Variants in RASEF observed in about 807,000 individuals in gnomAD.
RASEF encodes the protein ras and EF-hand domain-containing protein.
Under a neutral mutation model 90.1 loss-of-function variants are expected in RASEF, and 68 were observed. That is an observed-to-expected ratio of 0.75 (90% confidence interval 0.62 to 0.92). The LOEUF (loss-of-function observed/expected upper bound fraction) is 0.92, where lower values mean the gene tolerates loss of function less well. RASEF is among the 40% of genes least tolerant of loss of function. The pLI is 0.00. For synonymous variants in RASEF, 331 were observed against 345.2 expected, an observed-to-expected ratio of 0.96 and a Z score of 0.46; for missense variants, 949 against 937.2, an observed-to-expected ratio of 1.01 and a Z score of -0.16.
chr9:83,028,555 G>A (rs1264992834), intron 1 of RASEF, among the ~76,000 whole-genome samples: 4 of 152,182 alleles, frequency 2.6e-5, no homozygotes, highest in African/African-American at 9.6e-5. Context: ...GATGCTATGA[G>A]GGCGCAAGAA....
At chr9:83,214,836 C>A in the RASEF span, among the ~76,000 whole-genome samples, 1 of 151,946 alleles carries the variant, frequency 6.6e-6, no homozygotes. Context: ...CAGGGAAACA[C>A]TGGGTAGAAA....
chr9:83,096,034 G>A, the RASEF span, among the ~76,000 whole-genome samples: 1 of 152,098 alleles, frequency 6.6e-6, no homozygotes, highest in Non-Finnish European at 1.5e-5. Context: ...TAAGTAAAAA[G>A]GACTTAATAG....
At chr9:83,032,235 T>C (rs1292293099) in intron 1 of RASEF, among the ~76,000 whole-genome samples, 1 of 152,060 alleles carries the variant, frequency 6.6e-6, no homozygotes, top group Non-Finnish European at 1.5e-5. Context: ...AACGATACAA[T>C]GGCCACACAC....
the RASEF span, among the ~76,000 whole-genome samples, chr9:83,087,271 T>C: frequency 6.6e-6 from 1 of 152,166 alleles, no homozygotes; most frequent in Non-Finnish European, 1.5e-5. Flanking sequence ...CCCAGTGTGA[T>C]GGTATTTGGA....
chr9:83,104,022 A>G, the RASEF span, among the ~76,000 whole-genome samples: 1 of 152,206 alleles, frequency 6.6e-6, no homozygotes, highest in East Asian at 1.9e-4. Flanking sequence ...AGTGAGGTTA[A>G]AACATCTTTC....
chr9:83,047,558 G>A lies in RASEF; in HGVS notation c.431+14879C>T, dbSNP rs1329948146. Among the ~76,000 whole-genome samples, 7 of 152,098 alleles carry A rather than the reference G, an allele frequency of 4.6e-5. No homozygotes were observed. In the East Asian group the frequency reaches 5.8e-4, roughly 13 times the overall value. On this transcript the variant is annotated intron_variant, in intron 1 of 16. Transcript: ENST00000376447. The stretch of plus-strand genomic sequence containing the variant: ...TCAGATGAAGAGAAAGAAAAATATC[G>A]GAGTGATAGGTATCCTGGACATCCC...
chr9:82,990,456 T>C lies in RASEF; in HGVS notation c.2052A>G (p.Ala684=), dbSNP rs1300148946. The change falls in exon 16 of 17, where the codon GCA becomes GCG. Residue 684 remains alanine, a synonymous_variant. Transcript: ENST00000376447. The stretch of plus-strand genomic sequence containing the variant: ...CTTTGGCACTTGTTTCACAGAATAA[T>C]GCCCCATACGTCTGTAAAAAAGAAA... ...FGEKLAMTYG[A]LFCETSAKDG... is the part of the protein sequence containing the mutation. 6.2e-7 allele frequency: 1 copy of C among 1,612,350 alleles called. No homozygotes were observed. The highest frequency in any genetic ancestry group is 1.7e-5 in the Admixed American group (1 of 60,008).
intron 1 of RASEF, chr9:83,055,575 G>A (rs936307643): frequency 1.4e-5 from 10 of 711,124 alleles, no homozygotes; most frequent in Non-Finnish European, 2.6e-5. Context: ...CTCCCTCCTC[G>A]ATTGTCCAAA....
At chr9:83,004,816 T>C (rs1435109079) in intron 8 of RASEF, among the ~76,000 whole-genome samples, 1 of 152,128 alleles carries the variant, frequency 6.6e-6, no homozygotes, top group Non-Finnish European at 1.5e-5. Flanking sequence ...CTATCTTACG[T>C]CCAAACCCTA....
the RASEF span, among the ~76,000 whole-genome samples, chr9:83,126,650 T>C: frequency 6.6e-6 from 1 of 152,222 alleles, no homozygotes; most frequent in Non-Finnish European, 1.5e-5. Context: ...CCACTTTCCC[T>C]GGGAGGACTC....
the RASEF span, among the ~76,000 whole-genome samples, chr9:83,103,015 C>T: frequency 5.3e-5 from 8 of 152,318 alleles, no homozygotes; most frequent in Non-Finnish European, 7.4e-5. Flanking sequence ...TACATCTACA[C>T]GGGCCACTTC....
At chr9:83,058,269 G>A (rs1021367012) in intron 1 of RASEF, among the ~76,000 whole-genome samples, 2 of 122,138 alleles carry the variant, frequency 1.6e-5, no homozygotes, top group African/African-American at 6.6e-5. Flanking sequence ...TGCAAGCTCC[G>A]CCTCCCGGGT....
the RASEF span, among the ~76,000 whole-genome samples, chr9:83,209,931 T>G: frequency 3.9e-5 from 6 of 152,206 alleles, no homozygotes; most frequent in African/African-American, 1.4e-4. Flanking sequence ...AATGCATGTT[T>G]AGGTGTTGCT....
Position 82,990,416 on chromosome 9 carries a change from C to T in RASEF, c.2092G>A (p.Val698Met). The T allele has an allele frequency of 6.2e-7, 1 of 1,613,872 alleles. No homozygotes were observed. The highest frequency in any genetic ancestry group is 8.5e-7 in the Non-Finnish European group (1 of 1,179,810). Reference sequence around the variant, plus strand: ...CGAGCAAGGTGCAGAACAGCCTCCACTATGTTAGAACCATCTTTGGCACTT... The same window carrying T: ...CGAGCAAGGTGCAGAACAGCCTCCATTATGTTAGAACCATCTTTGGCACTT... ...ETSAKDGSNI[V>M]EAVLHLAREV... is the part of the protein sequence containing the mutation. The change falls in exon 16 of 17, where the codon GTG becomes ATG. Residue 698 changes from valine to methionine, a missense_variant. This residue lies in a region of RASEF where 288 missense variants were observed against 328.4 expected (regional missense o/e 0.88). Coordinates refer to ENST00000376447, the MANE Select transcript of RASEF (RefSeq NM_152573.4).
rs553161459 is a variant in RASEF at position 83,015,966 on chromosome 9, A to G, written c.670-66T>C. On this transcript the variant is annotated intron_variant, in intron 3 of 16. Coordinates refer to ENST00000376447, the MANE Select transcript of RASEF (RefSeq NM_152573.4). ...ACCCTCTTAACCTTCAAAACCCCAC[A>G]GGTGAGAAACATTTTGTGTCAAATT... is the stretch of plus-strand genomic sequence containing the variant. 15 of 1,161,536 alleles carry G rather than the reference A, an allele frequency of 1.3e-5. No homozygotes were observed. In the African/African-American group the frequency reaches 2.1e-4, roughly 16 times the overall value. The allele number at this position is 1,161,536 out of a possible 1,614,324, so 72.0% of individuals were successfully genotyped here.
At chr9:83,191,649 G>A in the RASEF span, among the ~76,000 whole-genome samples, 8 of 152,148 alleles carry the variant, frequency 5.3e-5, no homozygotes, top group Non-Finnish European at 8.8e-5. Flanking sequence ...GGAGAAAATG[G>A]AAGCTCATGA....
upstream of RASEF, among the ~76,000 whole-genome samples, chr9:83,065,837 T>G (rs2117944068): frequency 6.6e-6 from 1 of 152,312 alleles, no homozygotes; most frequent in Non-Finnish European, 1.5e-5. Flanking sequence ...TCTGATGACA[T>G]TTTTGGCTGT....
At chr9:83,134,408 G>GCACACACACA in the RASEF span, among the ~76,000 whole-genome samples, 615 of 135,972 alleles carry the variant, frequency 4.5e-3, 8 homozygotes, top group African/African-American at 0.012. Flanking sequence ...GATCACAATA[G>GCACACACACA]CGCACACACA....
the RASEF span, among the ~76,000 whole-genome samples, chr9:83,123,467 C>T: frequency 6.6e-6 from 1 of 152,132 alleles, no homozygotes; most frequent in Non-Finnish European, 1.5e-5. Context: ...TTGAATTGCC[C>T]ATGCCTCATA....
Sources: allele counts gnomAD v4.1 joint callset (sites outside exome capture counted in the v4.1 genomes callset), GRCh38; gene constraint gnomAD v4.1.1; regional missense constraint gnomAD v4.1.1; transcripts MANE v1.5; gene names NCBI Gene and HGNC (gene_info 2026-07-23, HGNC 2026-07-21).